MVB12B: variants seen among roughly 807,000 people sequenced by gnomAD.
The protein encoded by MVB12B is multivesicular body subunit 12B, also known as ESCRT-I complex subunit MVB12B.
MVB12B carries 16 observed loss-of-function variants against 41.6 expected under a neutral mutation model. The ratio of observed to expected loss-of-function variants is 0.38; its 90% CI spans 0.26 to 0.58. The LOEUF (loss-of-function observed/expected upper bound fraction) is 0.58, where lower values mean the gene tolerates loss of function less well. Among genes scored for constraint, MVB12B ranks in the 20% least tolerant of loss-of-function variants. The probability of loss-of-function intolerance (pLI) is 0.62; values close to 1 mark genes in which losing one functional copy is unlikely to be tolerated. For missense variants in MVB12B, 274 were observed against 380.2 expected (o/e 0.72, Z 2.32); for synonymous variants, 133 against 139.7 (o/e 0.95, Z 0.34).
At chr9:126,374,048 G>A (rs1830414724) in intron 2 of MVB12B, among the ~76,000 whole-genome samples, 1 of 152,238 alleles carries the variant, frequency 6.6e-6, no homozygotes, top group African/African-American at 2.4e-5. Context: ...GTGTTAGTGT[G>A]TGTATGTGTA....
intron 7 of MVB12B, among the ~76,000 whole-genome samples, chr9:126,431,780 G>A (rs537446588): frequency 1.3e-5 from 2 of 152,316 alleles, no homozygotes; most frequent in African/African-American, 2.4e-5. Context: ...CTCTCCCACC[G>A]ACTAGCCGAG....
intron 9 of MVB12B, among the ~76,000 whole-genome samples, chr9:126,498,622 C>T (rs940880653): frequency 6.6e-6 from 1 of 152,170 alleles, no homozygotes; most frequent in Non-Finnish European, 1.5e-5. Context: ...AGCCCAGCGC[C>T]TGCCCCCTGC....
chr9:126,332,206 C>T (rs1829150437), intron 1 of MVB12B, among the ~76,000 whole-genome samples: 1 of 152,244 alleles, frequency 6.6e-6, no homozygotes, highest in African/African-American at 2.4e-5. Context: ...GTTCTTTGCT[C>T]ACCTTTCCCT....
chr9:126,335,556 T>C (rs1418360832), intron 1 of MVB12B: 1 of 469,632 alleles, frequency 2.1e-6, no homozygotes, highest in Non-Finnish European at 4.1e-6. Context: ...AGCAGAAAGG[T>C]GTCAGTAATC....
intron 7 of MVB12B, chr9:126,448,026 G>A (rs553892283): frequency 2.0e-5 from 3 of 152,778 alleles, no homozygotes; most frequent in Admixed American, 2.0e-4. Context: ...CTCTGGCCAG[G>A]TGAGGCTTCT....
rs758265088 is a variant in MVB12B at position 126,436,891 on chromosome 9, C to T, written c.757+14943C>T. ...TTTGTGTCCTGAATCAGTTAATTTA[C>T]TCATTAAAAGAATTTATTTTAGGTG... On this transcript the variant is annotated intron_variant, in intron 7 of 9. Coordinates refer to ENST00000361171, the MANE Select transcript of MVB12B (RefSeq NM_033446.3). This position sits in a 1 kb window ranked among gnomAD's most constrained non-coding sequence, Gnocchi z 4.1. 6.6e-6 allele frequency among the ~76,000 whole-genome samples: 1 copy of T among 152,332 alleles called. No individual in the cohort carries two copies. The highest frequency in any genetic ancestry group is 1.9e-4 in the East Asian group (1 of 5,190).
chr9:126,366,468 A>G (rs1454713817), intron 2 of MVB12B, among the ~76,000 whole-genome samples: 2 of 152,064 alleles, frequency 1.3e-5, no homozygotes, highest in African/African-American at 4.8e-5. Flanking sequence ...CAGGAAAACT[A>G]TTGTCCACAC....
chr9:126,506,101 CCTTT>C lies in MVB12B; in HGVS notation c.*2842_*2845del, dbSNP rs777514462. 5 of 152,434 alleles carry C rather than the reference CCTTT, an allele frequency of 3.3e-5. No homozygotes were observed. Among genetic ancestry groups the C allele is most frequent in the Non-Finnish European group, 5.9e-5 (4 of 68,052 alleles). 9.4% of individuals were successfully genotyped at this position (152,434 alleles called of 1,614,324 possible). ...CTCCCTTGCAAATGTATAATTAAGG[CCTTT>C]CTTCCCACCCCAAGTCCAAGAACAA... On this transcript the variant is annotated 3_prime_UTR_variant, in exon 10 of 10. Transcript: ENST00000361171.
chr9:126,406,533 T>A (rs1831431916), intron 6 of MVB12B, among the ~76,000 whole-genome samples: 1 of 152,232 alleles, frequency 6.6e-6, no homozygotes, highest in Admixed American at 6.5e-5. Context: ...GCGGATGTTT[T>A]AGTAGGCTGG....
chr9:126,495,352 C>T (rs62578063), intron 9 of MVB12B, among the ~76,000 whole-genome samples: 39,872 of 152,026 alleles, frequency 0.26, 6,421 homozygotes, highest in African/African-American at 0.46. Context: ...TTGGGGAGAG[C>T]GAGGCGAGAG....
intron 6 of MVB12B, among the ~76,000 whole-genome samples, chr9:126,418,490 G>A (rs1255347384): frequency 6.6e-6 from 1 of 152,156 alleles, no homozygotes; most frequent in Non-Finnish European, 1.5e-5. Flanking sequence ...ATAATTGTAG[G>A]CTCATGATCA....
chr9:126,422,084 G>T, intron 7 of MVB12B, 136 bp downstream of exon 7: 3 of 657,374 alleles, frequency 4.6e-6, no homozygotes, highest in South Asian at 3.5e-5. Flanking sequence ...CCTGTTCCCT[G>T]CAGGGACCAG....
intron 7 of MVB12B, among the ~76,000 whole-genome samples, chr9:126,449,472 A>AC (rs949666772): frequency 1.4e-4 from 21 of 151,780 alleles, no homozygotes; most frequent in Non-Finnish European, 1.5e-4. Flanking sequence ...GATGAGAGTG[A>AC]CCCCCCACAG....
chr9:126,470,305 G>A lies in MVB12B; in HGVS notation c.758-11064G>A, dbSNP rs563475459. On this transcript the variant is annotated intron_variant, in intron 7 of 9. Transcript: ENST00000361171. ...CTCTCCGTGGTGTCTGCTATCTCTG[G>A]TGTTGCAAGTCAAGCTCGACTTGGA... Among the ~76,000 whole-genome samples the A allele has an allele frequency of 2.0e-5, 3 of 152,274 alleles. No individual in the cohort carries two copies. In the South Asian group the frequency reaches 6.2e-4, roughly 32 times the overall value.
intron 7 of MVB12B, among the ~76,000 whole-genome samples, chr9:126,477,087 C>T (rs1214038431): frequency 1.3e-5 from 2 of 152,104 alleles, no homozygotes; most frequent in African/African-American, 4.8e-5. Flanking sequence ...GCACTGGCAT[C>T]TGCTTCTCGG....
At chr9:126,460,124 G>A (rs1350316128) in intron 7 of MVB12B, among the ~76,000 whole-genome samples, 1 of 152,106 alleles carries the variant, frequency 6.6e-6, no homozygotes, top group Non-Finnish European at 1.5e-5. Context: ...CTCCCTGGCC[G>A]CTGGGCCTGC....
intron 7 of MVB12B, among the ~76,000 whole-genome samples, chr9:126,474,142 G>A (rs981267551): frequency 2.6e-5 from 4 of 152,212 alleles, no homozygotes; most frequent in Non-Finnish European, 5.9e-5. Context: ...CCCCATCCAA[G>A]CCCTTAGGCT....
At chr9:126,487,200 T>C (rs1298171855) in intron 9 of MVB12B, among the ~76,000 whole-genome samples, 1 of 152,196 alleles carries the variant, frequency 6.6e-6, no homozygotes, top group Non-Finnish European at 1.5e-5. Context: ...GTAATAATAG[T>C]GCTTAGTCCA....
At chr9:126,488,104 G>A (rs1253121732) in intron 9 of MVB12B, among the ~76,000 whole-genome samples, 1 of 152,162 alleles carries the variant, frequency 6.6e-6, no homozygotes, top group East Asian at 1.9e-4. Flanking sequence ...GGCATTGCTC[G>A]TGGGAGTTGG....
Sources: allele counts gnomAD v4.1 joint callset (sites outside exome capture counted in the v4.1 genomes callset), GRCh38; gene constraint gnomAD v4.1.1; non-coding constraint Gnocchi (gnomAD v3.1); transcripts MANE v1.5; gene names NCBI Gene and HGNC (gene_info 2026-07-23, HGNC 2026-07-21).